Variants in PELI1 observed in about 807,000 individuals in gnomAD.
PELI1 encodes pellino E3 ubiquitin protein ligase 1.
Under a neutral mutation model 41.3 loss-of-function variants are expected in PELI1, and 15 were observed. The observed-to-expected ratio is 0.36, with a 90% CI of 0.24 to 0.56. The LOEUF is 0.56. Ranked by LOEUF, PELI1 falls within the 20% of genes least tolerant of loss-of-function variation. The pLI, the probability that PELI1 is intolerant of heterozygous loss-of-function variation, is 0.82. For synonymous variants in PELI1, 178 were observed against 180.1 expected (o/e 0.99, Z 0.09); for missense variants, 403 against 525.5 (o/e 0.77, Z 2.28).
intron 1 of PELI1, among the ~76,000 whole-genome samples, chr2:64,117,884 A>C (rs970999577): frequency 6.6e-6 from 1 of 151,658 alleles, no homozygotes; most frequent in African/African-American, 2.4e-5. Flanking sequence ...ATCTCAGCTC[A>C]CTGCAACCTC....
chr2:64,131,658 T>C (rs1681562150), intron 1 of PELI1, among the ~76,000 whole-genome samples: 2 of 151,924 alleles, frequency 1.3e-5, no homozygotes, highest in Non-Finnish European at 2.9e-5. Flanking sequence ...TCTCACTCCA[T>C]TGCCCAGGCT....
rs1165312510 is a variant in PELI1, at chr2:64,094,196, T to C, written c.*506A>G. The C allele has an allele frequency of 6.5e-6, 1 of 152,880 alleles. No individual in the cohort carries two copies. The highest frequency in any genetic ancestry group is 1.5e-5 in the Non-Finnish European group (1 of 68,248). 9.5% of individuals were successfully genotyped at this position (152,880 alleles called of 1,614,324 possible). A position where few individuals can be genotyped will look rare whatever the true frequency, so the allele number is the denominator to read the frequency against. On this transcript the variant is annotated 3_prime_UTR_variant, in exon 7 of 7. Coordinates refer to ENST00000358912, the MANE Select transcript of PELI1 (RefSeq NM_020651.4). ...TTTGCAAATCCTTGAGCTAGGTTGC[T>C]CACTAAGCTACCATTCACACCAAGG...
intron 1 of PELI1, among the ~76,000 whole-genome samples, chr2:64,138,505 TC>T (rs1257063561): frequency 1.3e-5 from 2 of 152,104 alleles, no homozygotes; most frequent in African/African-American, 2.4e-5. Flanking sequence ...AGGTAGGTGA[TC>T]ACCTGAGGTC....
chr2:64,116,015 T>C (rs1009947548), intron 1 of PELI1, among the ~76,000 whole-genome samples: 2 of 152,088 alleles, frequency 1.3e-5, no homozygotes, highest in Non-Finnish European at 2.9e-5. Context: ...ATTTTAAAAA[T>C]GAGGACAGAA....
At chr2:64,140,336 T>G (rs951114119) in intron 1 of PELI1, among the ~76,000 whole-genome samples, 3 of 152,200 alleles carry the variant, frequency 2.0e-5, no homozygotes, top group African/African-American at 7.2e-5. Context: ...TTTCTGCAAC[T>G]GGTATTTTGA....
intron 1 of PELI1, among the ~76,000 whole-genome samples, chr2:64,136,815 A>T (rs1373311778): frequency 6.6e-6 from 1 of 152,194 alleles, no homozygotes; most frequent in Non-Finnish European, 1.5e-5. Context: ...AGGCAGGGGA[A>T]TCACTTGAAC....
intron 2 of PELI1, among the ~76,000 whole-genome samples, chr2:64,107,471 A>G (rs1467893165): frequency 1.3e-5 from 2 of 152,182 alleles, no homozygotes; most frequent in African/African-American, 4.8e-5. Context: ...CACCATACAC[A>G]TATACAACTC....
chr2:64,101,436 T>A (rs1056795976), intron 3 of PELI1, among the ~76,000 whole-genome samples: 1 of 152,188 alleles, frequency 6.6e-6, no homozygotes, highest in South Asian at 2.1e-4. Flanking sequence ...CTAAAAACAT[T>A]GCTAAAAAGA....
At chr2:64,105,474 G>A (rs1328758386) in intron 2 of PELI1, among the ~76,000 whole-genome samples, 1 of 152,016 alleles carries the variant, frequency 6.6e-6, no homozygotes, top group Non-Finnish European at 1.5e-5. Flanking sequence ...CTAAAGGTAA[G>A]CAAGTACTAA....
intron 1 of PELI1, among the ~76,000 whole-genome samples, chr2:64,113,095 TAGTA>T (rs1050600569): frequency 6.6e-6 from 1 of 150,858 alleles, no homozygotes; most frequent in Non-Finnish European, 1.5e-5. Flanking sequence ...CTGCGCAACA[TAGTA>T]AGACTCCCGT....
At chr2:64,140,800 C>CAAAAAAAAAAAAAA (rs1356897512) in intron 1 of PELI1, among the ~76,000 whole-genome samples, 3 of 100,282 alleles carry the variant, frequency 3.0e-5, no homozygotes, top group South Asian at 3.2e-4. Context: ...AAAAAAAAAA[C>CAAAAAAAAAAAAAA]AAACAAACAA....
rs537073455 is a variant in PELI1, at chr2:64,105,842, T to C, written c.72-1012A>G. ...AAATCTTGGGTTTGATGATCTACCA[T>C]ATGTAGTTGGTCAATCTAGGGGGAA... On this transcript the variant is annotated intron_variant, in intron 2 of 6. Transcript: ENST00000358912. Among the ~76,000 whole-genome samples the C allele has an allele frequency of 9.7e-4, 148 of 152,060 alleles. No homozygotes were observed. The Middle Eastern group carries it at 0.01, about 10-fold the overall frequency.
chr2:64,126,358 T>C (rs151293629), intron 1 of PELI1, among the ~76,000 whole-genome samples: 2 of 152,292 alleles, frequency 1.3e-5, no homozygotes, highest in African/African-American at 4.8e-5. Flanking sequence ...GAGACGGGGT[T>C]TCATCATGTT....
chr2:64,126,686 T>G (rs1194864639), intron 1 of PELI1, among the ~76,000 whole-genome samples: 3 of 151,914 alleles, frequency 2.0e-5, no homozygotes, highest in African/African-American at 4.8e-5. Context: ...CAAAAGACCA[T>G]AAATACCGTA....
intron 1 of PELI1, among the ~76,000 whole-genome samples, chr2:64,125,675 G>T (rs1436880376): frequency 6.6e-6 from 1 of 152,268 alleles, no homozygotes; most frequent in African/African-American, 2.4e-5. Flanking sequence ...TAAATAGCTA[G>T]AAGTCAAAAT....
chr2:64,137,097 A>G (rs530787919), intron 1 of PELI1, among the ~76,000 whole-genome samples: 7 of 152,304 alleles, frequency 4.6e-5, no homozygotes, highest in Non-Finnish European at 8.8e-5. Context: ...GTAATCCTAC[A>G]TGTATATTGT....
At position 64,095,187 on chromosome 2, in the gene PELI1, C is replaced by T. The variant is rs765465764; in HGVS notation, c.772G>A (p.Gly258Ser). 3.7e-6 allele frequency: 6 copies of T among 1,613,954 alleles called. No individual in the cohort carries two copies. In the South Asian group the frequency reaches 6.6e-5, roughly 18 times the overall value. ...TTCACGGTAGGAGTGTGGGAAAGGCCTTCTGCAGTACGCCATAACAATGTT... is the reference window on the plus strand; with the variant it reads ...TTCACGGTAGGAGTGTGGGAAAGGCTTTCTGCAGTACGCCATAACAATGTT... The part of the protein sequence containing the change: ...GATLLWRTAE[G>S]LSHTPTVKHL... The change falls in exon 7 of 7, where the codon GGC (glycine) becomes AGC (serine). Residue 258 changes from glycine to serine, a missense_variant. Gly to Ser is a moderately conservative substitution (Grantham distance 56, BLOSUM62 0). Coordinates refer to ENST00000358912, the MANE Select transcript of PELI1 (RefSeq NM_020651.4).
At chr2:64,115,027 G>T (rs565456177) in intron 1 of PELI1, among the ~76,000 whole-genome samples, 54 of 152,148 alleles carry the variant, frequency 3.5e-4, no homozygotes, top group Admixed American at 2.5e-3. Flanking sequence ...GTTAGTAAAG[G>T]CCGTGTAGTT....
chr2:64,109,326 T>C (rs560516371), intron 1 of PELI1, among the ~76,000 whole-genome samples: 32 of 152,210 alleles, frequency 2.1e-4, no homozygotes, highest in African/African-American at 3.4e-4. Flanking sequence ...AGGAACATAA[T>C]ATGAAAATAT....
Sources: gnomAD v4.1 joint callset for allele counts (sites outside exome capture counted in the v4.1 genomes callset) on GRCh38, gnomAD v4.1.1 for gene constraint, MANE v1.5 for transcripts, NCBI Gene and HGNC (gene_info 2026-07-23, HGNC 2026-07-21) for gene names.